DMXL1: variants seen among roughly 807,000 people sequenced by gnomAD.
DMXL1 encodes the protein Dmx like 1.
Under a neutral mutation model 319.2 loss-of-function variants are expected in DMXL1, and 99 were observed. That is an observed-to-expected ratio of 0.31 (90% CI 0.26 to 0.37). DMXL1 has a LOEUF of 0.37. DMXL1 is among the 10% of genes least tolerant of loss of function. The pLI is 1.00. For missense variants in DMXL1, 3,745 were observed against 3,595.6 expected (o/e 1.04, Z -1.06); for synonymous variants, 1,385 against 1,235.2 (o/e 1.12, Z -2.54).
chr5:119,123,875 A>T (rs1167794327), intron 9 of DMXL1, among the ~76,000 whole-genome samples: 1 of 66,474 alleles, frequency 1.5e-5, no homozygotes, highest in Non-Finnish European at 3.1e-5. Context: ...TAGCCTTTAC[A>T]GTTTAGCAGA....
At chr5:119,235,374 T>TA (rs1394023602) in intron 39 of DMXL1, among the ~76,000 whole-genome samples, 1 of 152,022 alleles carries the variant, frequency 6.6e-6, no homozygotes, top group Non-Finnish European at 1.5e-5. Context: ...AAATTAAAAA[T>TA]ACGATTCCCA....
rs564261261 is a variant in DMXL1 at position 119,149,579 on chromosome 5, T to C, written c.3752T>C (p.Ile1251Thr). The C allele has an allele frequency of 1.3e-4, 203 of 1,613,974 alleles. No individual in the cohort carries two copies. Among genetic ancestry groups the C allele is most frequent in the South Asian group, 7.4e-4 (67 of 91,080 alleles). ...WQPSSKQEPV[I>T]TDSYSGSTPS... is the part of the protein sequence containing the mutation. ...CCATCTTCTAAACAAGAACCTGTTA[T>C]AACAGATTCGTACAGTGGGAGCACT... Residue 1251 changes from isoleucine (I) to threonine (T), a missense_variant, in exon 18 of 44, where the codon ATA (isoleucine) becomes ACA (threonine). Physicochemically the swap from Ile to Thr is moderately conservative, Grantham distance 89. Transcript: ENST00000539542.
intron 3 of DMXL1, among the ~76,000 whole-genome samples, chr5:119,102,456 G>C (rs370425495): frequency 2.6e-5 from 4 of 152,070 alleles, no homozygotes; most frequent in East Asian, 1.9e-4. Flanking sequence ...TTCTTTATAA[G>C]CAAGCTGTAC....
At chr5:119,140,446 A>T (rs531967596) in intron 13 of DMXL1, among the ~76,000 whole-genome samples, 155 of 152,180 alleles carry the variant, frequency 1.0e-3, no homozygotes, top group Non-Finnish European at 1.7e-3. Context: ...GACTCTACAG[A>T]AATAAAAACA....
At position 119,238,472 on chromosome 5, in the gene DMXL1, A is replaced by G. The variant is rs147357401; in HGVS notation, c.8560-517A>G. Among the ~76,000 whole-genome samples, 97 of 152,208 alleles carry G rather than the reference A, an allele frequency of 6.4e-4. 2 individuals are homozygous for G. The highest frequency in any genetic ancestry group is 5.4e-3 in the Admixed American group (83 of 15,274). The stretch of plus-strand genomic sequence containing the variant: ...TTTCTAATTTTGATGACTATTAGTA[A>G]TTTTTTTCATGTACTTGAATTTTTA... On this transcript the variant is annotated intron_variant, in intron 40 of 43. Transcript: ENST00000539542.
intron 18 of DMXL1, among the ~76,000 whole-genome samples, chr5:119,150,667 C>T (rs1369103227): frequency 1.3e-5 from 2 of 151,722 alleles, no homozygotes; most frequent in Non-Finnish European, 2.9e-5. Context: ...TGCCTCATGC[C>T]TATAGTCCTA....
chr5:119,206,668 A>G (rs1252240671), intron 33 of DMXL1, 166 bp from the exon 34 acceptor site: 1 of 463,542 alleles, frequency 2.2e-6, no homozygotes, highest in Non-Finnish European at 3.8e-6. Context: ...ATGCACCCTC[A>G]CACATGCTTC....
At chr5:119,101,149 A>G (rs900734349) in intron 2 of DMXL1, among the ~76,000 whole-genome samples, 34 of 152,120 alleles carry the variant, frequency 2.2e-4, no homozygotes, top group African/African-American at 7.5e-4. Flanking sequence ...AATCCCACCC[A>G]TAATTAAAGG....
intron 32 of DMXL1, among the ~76,000 whole-genome samples, chr5:119,202,864 C>CATATATATATATATATTTAT (rs1561865071): frequency 1.3e-5 from 1 of 74,316 alleles, no homozygotes; most frequent in Non-Finnish European, 2.8e-5. Flanking sequence ...AATATACATA[C>CATATATATATATATATTTAT]ATATATATAT....
chr5:119,150,459 CT>C, intron 18 of DMXL1, 38 bp downstream of exon 18: 3 of 1,538,592 alleles, frequency 1.9e-6, no homozygotes. Flanking sequence ...TTTTTACTTA[CT>C]TTCACAGAAA....
chr5:119,160,275 T>A (rs1243735016), intron 19 of DMXL1, among the ~76,000 whole-genome samples: 4 of 152,230 alleles, frequency 2.6e-5, no homozygotes, highest in African/African-American at 9.6e-5. Flanking sequence ...ATTTCTCTTT[T>A]GGTTTCTTCT....
At chr5:119,231,975 T>G (rs1166888913) in intron 38 of DMXL1, among the ~76,000 whole-genome samples, 2 of 152,072 alleles carry the variant, frequency 1.3e-5, no homozygotes, top group Non-Finnish European at 2.9e-5. Context: ...TTCTTTTTTT[T>G]AAGATTTTTT....
At position 119,132,913 on chromosome 5, in the gene DMXL1, T is replaced by C. The variant is rs569011732; in HGVS notation, c.1316-219T>C. ...TCTCAAAGTATGCTCTGGAGCATTA[T>C]CATTAAGCATTACATTTACTGGTTT... is the stretch of plus-strand genomic sequence containing the variant. On this transcript the variant is annotated intron_variant, in intron 10 of 43. Transcript: ENST00000539542. 2.0e-5 allele frequency: 12 copies of C among 602,578 alleles called. No individual in the cohort carries two copies. In the African/African-American group the frequency reaches 2.2e-4, roughly 11 times the overall value. The allele number at this position is 602,578 out of a possible 1,614,324, so 37.3% of individuals were successfully genotyped here.
In DMXL1 at chr5:119,224,766, T is replaced by C; in HGVS notation, c.8335T>C (p.Tyr2779His). The change falls in exon 38 of 44, where the codon TAC becomes CAC. Residue 2779 changes from tyrosine (Y) to histidine (H), a missense_variant. Coordinates refer to ENST00000539542, the MANE Select transcript of DMXL1 (RefSeq NM_001290321.3). ...RRMTSHPTLP[Y>H]YLTGAQDGSV... The stretch of plus-strand genomic sequence containing the variant: ...AATGACTTCTCATCCAACTCTTCCT[T>C]ACTGTAAGTTGAATAATAATTAGCA... The C allele has an allele frequency of 1.6e-6, 2 of 1,261,018 alleles. No homozygotes were observed. Among genetic ancestry groups the C allele is most frequent in the Non-Finnish European group, 2.1e-6 (2 of 945,132 alleles). The allele number at this position is 1,261,018 out of a possible 1,614,324, so 78.1% of individuals were successfully genotyped here.
intron 38 of DMXL1, among the ~76,000 whole-genome samples, chr5:119,225,288 A>C (rs1053814079): frequency 2.0e-5 from 3 of 151,964 alleles, no homozygotes; most frequent in Non-Finnish European, 4.4e-5. Context: ...ATTAGTTTTT[A>C]TATTCTAAGG....
chr5:119,104,817 G>C (rs912856810), intron 3 of DMXL1, among the ~76,000 whole-genome samples: 14 of 152,222 alleles, frequency 9.2e-5, no homozygotes, highest in Non-Finnish European at 1.5e-4. Context: ...GATCTCAGAT[G>C]GGGACAAAAC....
intron 1 of DMXL1, among the ~76,000 whole-genome samples, chr5:119,097,024 A>G (rs1756124101): frequency 6.6e-6 from 1 of 152,244 alleles, no homozygotes; most frequent in Non-Finnish European, 1.5e-5. Context: ...GATAGAAAGT[A>G]ATGGGAGAGA....
intron 10 of DMXL1, among the ~76,000 whole-genome samples, chr5:119,131,039 G>C (rs1764762366): frequency 6.7e-6 from 1 of 150,054 alleles, no homozygotes; most frequent in African/African-American, 2.5e-5. Context: ...ACGGGACAAT[G>C]GACATCTTGT....
chr5:119,093,146 CTG>C (rs1336956228), intron 1 of DMXL1, among the ~76,000 whole-genome samples: 1 of 151,982 alleles, frequency 6.6e-6, no homozygotes, highest in Non-Finnish European at 1.5e-5. Flanking sequence ...CTTTGTGTCT[CTG>C]TGTCGCATTT....
Sources: gnomAD v4.1 joint callset for allele counts (sites outside exome capture counted in the v4.1 genomes callset) on GRCh38, gnomAD v4.1.1 for gene constraint, MANE v1.5 for transcripts, NCBI Gene and HGNC (gene_info 2026-07-23, HGNC 2026-07-21) for gene names.